Variants in SDK1 observed in about 807,000 individuals in gnomAD.
The protein encoded by SDK1 is protein sidekick-1.
Under a neutral mutation model 245.5 loss-of-function variants are expected in SDK1, and 157 were observed. That is an observed-to-expected ratio of 0.64 (90% CI 0.56 to 0.73). The LOEUF (loss-of-function observed/expected upper bound fraction) is 0.73. Among genes scored for constraint, SDK1 ranks in the 30% least tolerant of loss-of-function variants. SDK1 has a pLI of 0.00. For synonymous variants in SDK1, 1,647 were observed against 1,278.5 expected, an observed-to-expected ratio of 1.29 and a Z score of -6.15; for missense variants, 3,583 against 3,002.3, an observed-to-expected ratio of 1.19 and a Z score of -4.52.
chr7:3,723,303 A>C (rs960486275), intron 4 of SDK1, among the ~76,000 whole-genome samples: 1 of 152,234 alleles, frequency 6.6e-6, no homozygotes, highest in Non-Finnish European at 1.5e-5. Flanking sequence ...TACCATAGAA[A>C]ACAGGCAGCA....
At chr7:4,048,165 TC>T (rs1176559803) in intron 17 of SDK1, among the ~76,000 whole-genome samples, 1 of 152,136 alleles carries the variant, frequency 6.6e-6, no homozygotes, top group Non-Finnish European at 1.5e-5. Flanking sequence ...TCCCGTGTGT[TC>T]CGGCCGAGAA....
chr7:4,070,691 A>C (rs1780195187), intron 20 of SDK1, among the ~76,000 whole-genome samples: 1 of 151,736 alleles, frequency 6.6e-6, no homozygotes, highest in Non-Finnish European at 1.5e-5. Flanking sequence ...GTCACCTTGG[A>C]GCCAGTGCCA....
At chr7:3,690,094 G>C (rs538719174) in intron 4 of SDK1, among the ~76,000 whole-genome samples, 6 of 152,268 alleles carry the variant, frequency 3.9e-5, no homozygotes, top group African/African-American at 1.4e-4. Context: ...TATGTTCTTA[G>C]GCATGTTTAT....
At position 4,113,333 on chromosome 7, in the gene SDK1, G is replaced by A; in HGVS notation, c.3479G>A (p.Ser1160Asn). 3 of 1,614,024 alleles carry A rather than the reference G, an allele frequency of 1.9e-6. No homozygotes were observed. ...QVNIVGPSPY[S>N]PSSRVIQTLQ... The stretch of plus-strand genomic sequence containing the variant: ...AACATTGTTGGGCCGAGCCCCTACA[G>A]TCCGTCTTCCCGGGTCATCCAGACC... The change falls in exon 24 of 45, where the codon AGT becomes AAT. Residue 1160 changes from serine to asparagine, a missense_variant. Ser to Asn is a conservative substitution (Grantham distance 46). Coordinates refer to ENST00000404826, the MANE Select transcript of SDK1 (RefSeq NM_152744.4).
intron 44 of SDK1, among the ~76,000 whole-genome samples, chr7:4,253,725 A>G (rs1025700349): frequency 3.3e-5 from 5 of 152,092 alleles, no homozygotes; most frequent in South Asian, 2.1e-4. Flanking sequence ...GTGCATTGAA[A>G]TCTCTATTTG....
chr7:3,494,209 G>C (rs17133439), intron 1 of SDK1, among the ~76,000 whole-genome samples: 34,264 of 151,976 alleles, frequency 0.23, 4,238 homozygotes, highest in East Asian at 0.33. Context: ...ACTTTTAGGA[G>C]CTTTTATTTT....
intron 4 of SDK1, among the ~76,000 whole-genome samples, chr7:3,690,669 A>G (rs1170489133): frequency 6.6e-6 from 1 of 152,196 alleles, no homozygotes; most frequent in Non-Finnish European, 1.5e-5. Context: ...AAAGTAAGAA[A>G]GCAGGTCTTC....
At chr7:3,597,489 G>C (rs917064543) in intron 1 of SDK1, among the ~76,000 whole-genome samples, 2 of 152,106 alleles carry the variant, frequency 1.3e-5, no homozygotes, top group Non-Finnish European at 2.9e-5. Context: ...CACCGGCGGC[G>C]GGGAGGCCAC....
At chr7:3,363,191 T>A (rs929900787) in intron 1 of SDK1, among the ~76,000 whole-genome samples, 19 of 152,226 alleles carry the variant, frequency 1.2e-4, no homozygotes, top group Admixed American at 1.1e-3. Flanking sequence ...TTCTATAAAT[T>A]TATCATTTCA....
intron 1 of SDK1, among the ~76,000 whole-genome samples, chr7:3,467,930 C>T (rs1160211759): frequency 6.6e-6 from 1 of 151,762 alleles, no homozygotes; most frequent in Non-Finnish European, 1.5e-5. Flanking sequence ...ATTAGGTTTT[C>T]TGGCTTTCTA....
chr7:3,574,226 C>G (rs1031946207), intron 1 of SDK1, among the ~76,000 whole-genome samples: 3 of 151,594 alleles, frequency 2.0e-5, no homozygotes, highest in African/African-American at 7.3e-5. Context: ...AAGCAATTCT[C>G]CTGTCTCAGC....
rs1466439597 is a variant in SDK1, at chr7:4,012,208, A to G, written c.2393A>G (p.Asn798Ser). Residue 798 changes from asparagine (N) to serine (S), a missense_variant, in exon 16 of 45, where the codon AAC becomes AGC. Coordinates refer to ENST00000404826, the MANE Select transcript of SDK1 (RefSeq NM_152744.4). ...QWQPPPETEHNGVLRGYILRY... is the reference protein window; with the variant it reads ...QWQPPPETEHSGVLRGYILRY... The stretch of plus-strand genomic sequence containing the variant: ...CAGCCACCCCCAGAAACAGAGCACA[A>G]CGGGGTGTTGCGTGGATACATCCTC... 2 of 1,551,930 alleles carry G rather than the reference A, an allele frequency of 1.3e-6. No individual in the cohort carries two copies. Among genetic ancestry groups the G allele is most frequent in the African/African-American group, 1.4e-5 (1 of 71,586 alleles).
intron 5 of SDK1, among the ~76,000 whole-genome samples, chr7:3,836,917 C>G (rs1344733608): frequency 6.6e-6 from 1 of 152,136 alleles, no homozygotes; most frequent in African/African-American, 2.4e-5. Flanking sequence ...CTTCCTGGCT[C>G]TTAGAGAGCC....
intron 4 of SDK1, among the ~76,000 whole-genome samples, chr7:3,774,867 C>G (rs1388246789): frequency 6.6e-6 from 1 of 152,212 alleles, no homozygotes; most frequent in Non-Finnish European, 1.5e-5. Flanking sequence ...CATGCTGTGA[C>G]TACTTCTAAT....
rs185117247 is a variant in SDK1 at position 3,333,547 on chromosome 7, G to T, written c.298+31663G>T. Among the ~76,000 whole-genome samples, 171 of 152,172 alleles carry T rather than the reference G, an allele frequency of 1.1e-3. 2 individuals are homozygous for T. The highest frequency in any genetic ancestry group is 1.5e-4 in the Non-Finnish European group (10 of 68,006). Reference sequence around the variant, plus strand: ...TTTATTTCCTTTCACACTCAGCCTGGATTCCAGGCTCATCTCTAACTCCTA... The same window carrying T: ...TTTATTTCCTTTCACACTCAGCCTGTATTCCAGGCTCATCTCTAACTCCTA... On this transcript the variant is annotated intron_variant, in intron 1 of 44. Coordinates refer to ENST00000404826, the MANE Select transcript of SDK1 (RefSeq NM_152744.4).
intron 5 of SDK1, among the ~76,000 whole-genome samples, chr7:3,859,071 C>G (rs1344339347): frequency 6.6e-6 from 1 of 151,624 alleles, no homozygotes; most frequent in Non-Finnish European, 1.5e-5. Flanking sequence ...ACTGTGTTAG[C>G]CAGGATGGTC....
chr7:3,348,739 T>TA (rs1233161979), intron 1 of SDK1, among the ~76,000 whole-genome samples: 1 of 152,210 alleles, frequency 6.6e-6, no homozygotes, highest in Non-Finnish European at 1.5e-5. Flanking sequence ...TTATTTTTTT[T>TA]AAATACTCAT....
At chr7:4,143,877 G>A (rs756230412) in intron 28 of SDK1, among the ~76,000 whole-genome samples, 25 of 152,218 alleles carry the variant, frequency 1.6e-4, no homozygotes, top group Admixed American at 1.1e-3. Context: ...GGCCTGCGGC[G>A]AGGGTCTGGC....
At chr7:3,732,634 G>A (rs1396865568) in intron 4 of SDK1, among the ~76,000 whole-genome samples, 1 of 152,170 alleles carries the variant, frequency 6.6e-6, no homozygotes, top group Non-Finnish European at 1.5e-5. Flanking sequence ...AGCAGCAAAC[G>A]CTAATTAATC....
Sources: allele counts gnomAD v4.1 joint callset (sites outside exome capture counted in the v4.1 genomes callset), GRCh38; gene constraint gnomAD v4.1.1; transcripts MANE v1.5; gene names NCBI Gene and HGNC (gene_info 2026-07-23, HGNC 2026-07-21).